SPTBN1: variants seen among roughly 807,000 people sequenced by gnomAD.
SPTBN1 encodes the protein spectrin beta, non-erythrocytic 1.
In SPTBN1, 32 loss-of-function variants were observed where a neutral mutation model predicts 266.4. The observed-to-expected ratio is 0.12, with a 90% CI of 0.09 to 0.16. The LOEUF is 0.16. SPTBN1 is among the 10% of genes least tolerant of loss of function. The pLI is 1.00. For synonymous variants in SPTBN1, 1,336 were observed against 1,162.2 expected, an observed-to-expected ratio of 1.15 and a Z score of -3.04; for missense variants, 2,296 against 3,067.1, an observed-to-expected ratio of 0.75 and a Z score of 5.94.
chr2:54,594,635 GA>G (rs888923664), intron 2 of SPTBN1, among the ~76,000 whole-genome samples: 14 of 151,908 alleles, frequency 9.2e-5, no homozygotes, highest in African/African-American at 2.9e-4. Context: ...TAATAAAAAA[GA>G]AAAAAAGTCA....
At chr2:54,560,731 G>A (rs917164000) in intron 2 of SPTBN1, among the ~76,000 whole-genome samples, 6 of 152,120 alleles carry the variant, frequency 3.9e-5, no homozygotes, top group Admixed American at 3.9e-4. Context: ...AAATATTGTG[G>A]TTTAGGAGTT....
At chr2:54,458,348 T>C (rs903372881) in intron 1 of SPTBN1, among the ~76,000 whole-genome samples, 1 of 152,246 alleles carries the variant, frequency 6.6e-6, no homozygotes, top group Non-Finnish European at 1.5e-5. Context: ...TATTTTGTTT[T>C]CATCGTTTGC....
chr2:54,506,278 A>G (rs1368649864), intron 1 of SPTBN1, among the ~76,000 whole-genome samples: 2 of 152,212 alleles, frequency 1.3e-5, no homozygotes, highest in Admixed American at 6.5e-5. Context: ...TGACCAGGCC[A>G]TGGACCTGTC....
At chr2:54,604,512 G>A (rs1676706375) in intron 3 of SPTBN1, among the ~76,000 whole-genome samples, 1 of 152,192 alleles carries the variant, frequency 6.6e-6, no homozygotes, top group East Asian at 1.9e-4. Flanking sequence ...TGCCCCAGGA[G>A]GGATCACCCA....
chr2:54,520,629 A>G (rs1043646069), intron 1 of SPTBN1, among the ~76,000 whole-genome samples: 6 of 151,864 alleles, frequency 4.0e-5, no homozygotes, highest in Non-Finnish European at 5.9e-5. Context: ...TCCTTTTTAT[A>G]CATACACACA....
rs71408777 is a variant in SPTBN1 at position 54,594,833 on chromosome 2, C to CTTTTT, written c.149-4245_149-4241dup. On this transcript the variant is annotated intron_variant, in intron 2 of 35. Coordinates refer to ENST00000356805, the MANE Select transcript of SPTBN1 (RefSeq NM_003128.3). ...GATTCCATGACCCTCTGGTAAGTTT[C>CTTTTT]TTTTTTTTTTTTTTTTTTGAGACAG... Among the ~76,000 whole-genome samples the CTTTTT allele has an allele frequency of 1.4e-3, 151 of 104,664 alleles. 6 individuals are homozygous for CTTTTT. The highest frequency in any genetic ancestry group is 3.9e-3 in the East Asian group (16 of 4,076). The allele number at this position is 104,664 out of a possible 152,430, so 68.7% of individuals were successfully genotyped here.
At chr2:54,515,448 G>C (rs1438253419) in intron 1 of SPTBN1, among the ~76,000 whole-genome samples, 1 of 152,044 alleles carries the variant, frequency 6.6e-6, no homozygotes, top group Non-Finnish European at 1.5e-5. Context: ...AAGGAGATGA[G>C]CATTTTTTTC....
intron 3 of SPTBN1, among the ~76,000 whole-genome samples, chr2:54,605,814 C>G (rs969038617): frequency 2.6e-5 from 4 of 152,172 alleles, no homozygotes; most frequent in African/African-American, 9.7e-5. Flanking sequence ...CTTGCTGTAT[C>G]TTGTTTATTC....
intron 1 of SPTBN1, among the ~76,000 whole-genome samples, chr2:54,480,395 TTAAATTTTA>T (rs1447362366): frequency 1.3e-5 from 2 of 152,144 alleles, no homozygotes; most frequent in Non-Finnish European, 2.9e-5. Flanking sequence ...GAATGCCTGG[TTAAATTTTA>T]ATTTCAGATG....
intron 1 of SPTBN1, among the ~76,000 whole-genome samples, chr2:54,493,349 T>G (rs1668791619): frequency 6.6e-6 from 1 of 151,454 alleles, no homozygotes; most frequent in African/African-American, 2.4e-5. Context: ...ATAATTTCCT[T>G]CTGTGTTCTG....
At chr2:54,485,133 T>G (rs1362883069) in intron 1 of SPTBN1, among the ~76,000 whole-genome samples, 1 of 151,890 alleles carries the variant, frequency 6.6e-6, no homozygotes, top group Non-Finnish European at 1.5e-5. Flanking sequence ...AATAAAATAT[T>G]GAAAACAATC....
intron 1 of SPTBN1, among the ~76,000 whole-genome samples, chr2:54,462,768 T>A (rs1693430369): frequency 6.6e-6 from 1 of 152,214 alleles, no homozygotes; most frequent in African/African-American, 2.4e-5. Context: ...AGATCTAATT[T>A]TATAAAATGG....
chr2:54,638,347 G>GAACTGA (rs1315017292), intron 18 of SPTBN1, among the ~76,000 whole-genome samples: 1 of 152,196 alleles, frequency 6.6e-6, no homozygotes, highest in East Asian at 1.9e-4. Context: ...GAACTAAAGG[G>GAACTGA]AACTGAAACT....
chr2:54,519,794 GAGAA>G (rs1271693688), intron 1 of SPTBN1, among the ~76,000 whole-genome samples: 1 of 152,180 alleles, frequency 6.6e-6, no homozygotes, highest in Non-Finnish European at 1.5e-5. Context: ...GAGCTGGAAT[GAGAA>G]ACTCCTGCTG....
At chr2:54,666,110 G>C (rs1681349665) in intron 34 of SPTBN1, 22 bp downstream of exon 34, 1 of 1,594,490 alleles carries the variant, frequency 6.3e-7, no homozygotes, top group Admixed American at 1.8e-5. Flanking sequence ...CGTGCTTCAT[G>C]GCTGCCAGAG....
At position 54,649,002 on chromosome 2, in the gene SPTBN1, C is replaced by T. The variant is rs755243358; in HGVS notation, c.5014C>T (p.Arg1672Trp). Residue 1672 changes from arginine (R) to tryptophan (W), a missense_variant, in exon 25 of 36, where the codon CGG becomes TGG. Physicochemically the swap from Arg to Trp is moderately radical, Grantham distance 101. Around this residue, in one of 12 missense-constraint regions of SPTBN1, gnomAD observed 644 missense variants for 745.3 expected, o/e 0.86. Coordinates refer to ENST00000356805, the MANE Select transcript of SPTBN1 (RefSeq NM_003128.3). This position sits in a 1 kb window ranked among gnomAD's most constrained non-coding sequence, Gnocchi z 6.7. ...SHPESERISM[R>W]QSKVDKLYAG... ...CTTTTTCAGTGAGCGCATTAGCATG[C>T]GGCAGTCCAAAGTGGATAAACTGTA... 72 of 1,610,916 alleles carry T rather than the reference C, an allele frequency of 4.5e-5. No individual in the cohort carries two copies. The highest frequency in any genetic ancestry group is 5.7e-5 in the Non-Finnish European group (67 of 1,178,024).
chr2:54,519,972 A>G (rs1229384522), intron 1 of SPTBN1, among the ~76,000 whole-genome samples: 1 of 152,106 alleles, frequency 6.6e-6, no homozygotes, highest in Non-Finnish European at 1.5e-5. Context: ...CAGGGCGTAG[A>G]GGTCGGGGCT....
chr2:54,644,293 A>G (rs1049690378), intron 19 of SPTBN1, 30 bp from the exon 20 acceptor site: 2 of 1,589,992 alleles, frequency 1.3e-6, no homozygotes, highest in South Asian at 1.1e-5. Context: ...AAACTTGTTT[A>G]TTTACAACCA....
At chr2:54,567,679 TG>T (rs1182211353) in intron 2 of SPTBN1, among the ~76,000 whole-genome samples, 1 of 152,212 alleles carries the variant, frequency 6.6e-6, no homozygotes, top group Non-Finnish European at 1.5e-5. Flanking sequence ...GCAATGCACA[TG>T]ATACCCACCA....
Sources: allele counts gnomAD v4.1 joint callset (sites outside exome capture counted in the v4.1 genomes callset), GRCh38; gene constraint gnomAD v4.1.1; regional missense constraint gnomAD v4.1.1; non-coding constraint Gnocchi (gnomAD v3.1); transcripts MANE v1.5; gene names NCBI Gene and HGNC (gene_info 2026-07-23, HGNC 2026-07-21).